KDM3A: variants seen among roughly 807,000 people sequenced by gnomAD.
KDM3A encodes lysine demethylase 3A, also known as lysine-specific demethylase 3A.
Under a neutral mutation model 158.0 loss-of-function variants are expected in KDM3A, and 60 were observed. The observed-to-expected ratio is 0.38, with a 90% CI of 0.31 to 0.47. KDM3A has a LOEUF of 0.47. Among genes scored for constraint, KDM3A ranks in the 20% least tolerant of loss-of-function variants. The pLI is 0.99. For synonymous variants in KDM3A, 608 were observed against 549.3 expected, an observed-to-expected ratio of 1.11 and a Z score of -1.49; for missense variants, 1,319 against 1,574.3, an observed-to-expected ratio of 0.84 and a Z score of 2.74.
upstream of KDM3A, among the ~76,000 whole-genome samples, chr2:86,439,791 C>A (rs1485973417): frequency 6.6e-6 from 1 of 152,040 alleles, no homozygotes; most frequent in Admixed American, 6.5e-5. Flanking sequence ...TCTTCATGGA[C>A]TTTATCTTTA....
chr2:86,475,425 A>G (rs1183543165), intron 12 of KDM3A, among the ~76,000 whole-genome samples: 1 of 152,236 alleles, frequency 6.6e-6, no homozygotes, highest in Non-Finnish European at 1.5e-5. Context: ...GAATGAGAAC[A>G]GGTTCAGAAT....
Position 86,482,593 on chromosome 2 carries a change from A to C in KDM3A, c.2821A>C (p.Thr941Pro). ...TIKPSILGFD[T>P]PHYWLCDNRL... The stretch of plus-strand genomic sequence containing the variant: ...CAAGCCCAGCATTCTGGGCTTTGAC[A>C]CTCCTCACTATTGGCTTTGTGATAA... Residue 941 changes from threonine (T) to proline (P), a missense_variant, in exon 18 of 26, where the codon ACT (threonine) becomes CCT (proline). By Grantham distance (38) the Thr-to-Pro change is conservative. Transcript: ENST00000312912. 2 of 1,613,670 alleles carry C rather than the reference A, an allele frequency of 1.2e-6. No homozygotes were observed. Among genetic ancestry groups the C allele is most frequent in the East Asian group, 2.2e-5 (1 of 44,854 alleles).
chr2:86,482,810 T>C (rs1674003166), intron 18 of KDM3A, 116 bp downstream of exon 18: 1 of 936,200 alleles, frequency 1.1e-6, no homozygotes. Context: ...TGTTTTATTC[T>C]TTATTGTTTC....
At chr2:86,452,539 T>C (rs1185482180) in intron 4 of KDM3A, among the ~76,000 whole-genome samples, 1 of 152,120 alleles carries the variant, frequency 6.6e-6, no homozygotes, top group Non-Finnish European at 1.5e-5. Flanking sequence ...CTACTGCAAA[T>C]GATGAGAATA....
chr2:86,461,631 G>C (rs1672935130), intron 8 of KDM3A, among the ~76,000 whole-genome samples: 1 of 152,162 alleles, frequency 6.6e-6, no homozygotes, highest in African/African-American at 2.4e-5. Context: ...TGTGATAAGG[G>C]CTATGAAAGG....
At chr2:86,490,675 GAACT>G in intron 23 of KDM3A, 1 of 503,774 alleles carries the variant, frequency 2.0e-6, no homozygotes, top group Non-Finnish European at 3.5e-6. Flanking sequence ...TGGTTTATGG[GAACT>G]GACATCACAT....
intron 21 of KDM3A, 52 bp from the exon 22 acceptor site, chr2:86,489,266 T>C: frequency 6.3e-7 from 1 of 1,587,606 alleles, no homozygotes. Flanking sequence ...GTGGAAAGAC[T>C]GTGGCAGCCT....
At chr2:86,453,107 A>C (rs1431899763) in intron 4 of KDM3A, among the ~76,000 whole-genome samples, 1 of 152,104 alleles carries the variant, frequency 6.6e-6, no homozygotes, top group Non-Finnish European at 1.5e-5. Context: ...GTAGAACCCT[A>C]GTTTTGTTTC....
chr2:86,482,350 C>T, intron 17 of KDM3A, 108 bp from the exon 18 acceptor site: 1 of 1,528,034 alleles, frequency 6.5e-7, no homozygotes, highest in Non-Finnish European at 8.8e-7. Flanking sequence ...GCCTGGGGGT[C>T]CTGGCTTGGA....
chr2:86,441,684 C>T (rs1479425124), intron 1 of KDM3A, among the ~76,000 whole-genome samples: 2 of 150,988 alleles, frequency 1.3e-5, no homozygotes, highest in Admixed American at 6.6e-5. Context: ...CGGCTCTCTG[C>T]ACCAGGGGCC....
chr2:86,464,005 C>T (rs778698390), intron 8 of KDM3A, 48 bp from the exon 9 acceptor site: 2 of 1,367,290 alleles, frequency 1.5e-6, no homozygotes, highest in South Asian at 3.1e-5. Context: ...TTTATTATTT[C>T]CTAACTAGGG....
intron 11 of KDM3A, among the ~76,000 whole-genome samples, chr2:86,472,588 C>G (rs998602529): frequency 6.6e-6 from 1 of 152,168 alleles, no homozygotes; most frequent in African/African-American, 2.4e-5. Context: ...TTTCATCTCT[C>G]ATTTTGACTG....
intron 17 of KDM3A, 36 bp from the exon 18 acceptor site, chr2:86,482,422 G>T (rs1326476306): frequency 3.7e-6 from 6 of 1,603,984 alleles, no homozygotes; most frequent in Non-Finnish European, 5.1e-6. Context: ...GTAAGGGAAT[G>T]ACATATTTGA....
upstream of KDM3A, among the ~76,000 whole-genome samples, chr2:86,437,483 T>C (rs1219614624): frequency 6.6e-6 from 1 of 152,226 alleles, no homozygotes; most frequent in Admixed American, 6.5e-5. Flanking sequence ...CCTCAAAGCA[T>C]GTATTGCATA....
In KDM3A at chr2:86,466,453, C is replaced by G. The variant is rs1450512296; in HGVS notation, c.1089C>G (p.Val363=). Residue 363 remains valine, a synonymous_variant, in exon 10 of 26, where the codon GTC becomes GTG. Coordinates refer to ENST00000312912, the MANE Select transcript of KDM3A (RefSeq NM_018433.6). ...AAGCTCTGAGAACAAAACCAGATGT[C>G]TGCAAAGCAGGGTTGCTCTCAAAGT... The part of the protein sequence containing the change: ...KSEALRTKPD[V]CKAGLLSKSS... 3.1e-6 allele frequency: 5 copies of G among 1,613,874 alleles called. No individual in the cohort carries two copies. Among genetic ancestry groups the G allele is most frequent in the Non-Finnish European group, 3.4e-6 (4 of 1,179,824 alleles).
At chr2:86,449,011 C>T (rs1247942825) in intron 2 of KDM3A, among the ~76,000 whole-genome samples, 1 of 152,092 alleles carries the variant, frequency 6.6e-6, no homozygotes, top group Non-Finnish European at 1.5e-5. Context: ...TCCCAGAAGC[C>T]CACTTTTAGA....
chr2:86,452,144 T>C (rs999508657), intron 4 of KDM3A, among the ~76,000 whole-genome samples: 2 of 151,886 alleles, frequency 1.3e-5, no homozygotes, highest in African/African-American at 2.4e-5. Context: ...GTTTCACTTA[T>C]GCTGTAAACA....
rs376191355 is a variant in KDM3A, at chr2:86,442,244, C to T, written c.186+11C>T. The stretch of plus-strand genomic sequence containing the variant: ...AAGAAGGATCTGAAGGTACAGGCGG[C>T]TCCGGGCCTCTGCCACCGGACGTTT... On this transcript the variant is annotated intron_variant, in intron 2 of 25. Coordinates refer to ENST00000312912, the MANE Select transcript of KDM3A (RefSeq NM_018433.6). The T allele has an allele frequency of 4.4e-6, 7 of 1,588,542 alleles. No homozygotes were observed. Among genetic ancestry groups the T allele is most frequent in the East Asian group, 2.3e-5 (1 of 43,254 alleles).
intron 15 of KDM3A, chr2:86,478,966 T>G (rs1673796262): frequency 3.0e-6 from 1 of 338,748 alleles, no homozygotes. Context: ...AGGTTTTACA[T>G]TTTTGTTTCT....
Sources: allele counts gnomAD v4.1 joint callset (sites outside exome capture counted in the v4.1 genomes callset), GRCh38; gene constraint gnomAD v4.1.1; transcripts MANE v1.5; gene names NCBI Gene and HGNC (gene_info 2026-07-23, HGNC 2026-07-21).